RCOR1: variants seen among roughly 807,000 people sequenced by gnomAD.
RCOR1 encodes REST corepressor 1, also known as REST corepressor.
RCOR1 carries 12 observed loss-of-function variants against 64.0 expected under a neutral mutation model. The ratio of observed to expected loss-of-function variants is 0.19; its 90% CI spans 0.12 to 0.30. The LOEUF is 0.30. RCOR1 is among the 10% of genes least tolerant of loss of function. The pLI is 1.00. For missense variants in RCOR1, 502 were observed against 621.2 expected, an observed-to-expected ratio of 0.81 and a Z score of 2.04; for synonymous variants, 279 against 227.2, an observed-to-expected ratio of 1.23 and a Z score of -2.05.
At chr14:102,649,192 C>G (rs1348396003) in intron 2 of RCOR1, among the ~76,000 whole-genome samples, 1 of 151,878 alleles carries the variant, frequency 6.6e-6, no homozygotes, top group Non-Finnish European at 1.5e-5. Flanking sequence ...TCAGGTAAAA[C>G]AAATTGTACA....
intron 2 of RCOR1, chr14:102,657,699 TTGG>T (rs374270329): frequency 1.6e-4 from 61 of 393,142 alleles, no homozygotes; most frequent in African/African-American, 1.3e-3. Flanking sequence ...TTAGCCGGAC[TTGG>T]TGGTGCGTGC....
At chr14:102,656,993 G>A (rs913123648) in intron 2 of RCOR1, 5 of 590,040 alleles carry the variant, frequency 8.5e-6, no homozygotes, top group East Asian at 2.9e-4. Context: ...CAGGATGGTC[G>A]CGAACTCCTG....
intron 2 of RCOR1, among the ~76,000 whole-genome samples, chr14:102,637,597 C>T (rs1054377006): frequency 1.3e-5 from 2 of 152,040 alleles, no homozygotes; most frequent in Non-Finnish European, 2.9e-5. Context: ...ACCACAGGCA[C>T]CATCGTGCTT....
chr14:102,619,215 A>G (rs929955148), intron 2 of RCOR1, among the ~76,000 whole-genome samples: 6 of 151,844 alleles, frequency 4.0e-5, no homozygotes, highest in Non-Finnish European at 7.4e-5. Context: ...TCCGCCTCCC[A>G]GGTTCAAGTG....
At position 102,722,172 on chromosome 14, in the gene RCOR1, T is replaced by C; in HGVS notation, c.1190-15T>C. On this transcript the variant is annotated splice_polypyrimidine_tract_variant and intron_variant, in intron 10 of 11. Transcript: ENST00000262241. The stretch of plus-strand genomic sequence containing the variant: ...TTTCTCTTGTATTTTAAAAAATGCT[T>C]TCTTACATCCTTAGCCATCAGGAAA... The C allele has an allele frequency of 6.3e-7, 1 of 1,597,108 alleles. No individual in the cohort carries two copies. Among genetic ancestry groups the C allele is most frequent in the Non-Finnish European group, 8.6e-7 (1 of 1,167,006 alleles).
intron 2 of RCOR1, among the ~76,000 whole-genome samples, chr14:102,630,462 A>G (rs1894088249): frequency 6.6e-6 from 1 of 152,208 alleles, no homozygotes; most frequent in Non-Finnish European, 1.5e-5. Context: ...GGTCCTAATC[A>G]TATACATACT....
intron 2 of RCOR1, among the ~76,000 whole-genome samples, chr14:102,613,811 C>G (rs1217805876): frequency 1.3e-5 from 2 of 151,358 alleles, no homozygotes; most frequent in Admixed American, 1.3e-4. Context: ...CTACCTTGGC[C>G]TCACAAAGTG....
intron 2 of RCOR1, among the ~76,000 whole-genome samples, chr14:102,665,636 C>A (rs1458859718): frequency 6.6e-6 from 1 of 152,070 alleles, no homozygotes; most frequent in Non-Finnish European, 1.5e-5. Flanking sequence ...GTAGCTTGTT[C>A]GTCATCACTC....
chr14:102,726,620 C>A lies in RCOR1; in HGVS notation c.*114C>A. ...CATCTCTCTGGACAAGCAGCTATTACCAAAAAAGGCATATACTTCCAGTCC... is the reference window on the plus strand; with the variant it reads ...CATCTCTCTGGACAAGCAGCTATTAACAAAAAAGGCATATACTTCCAGTCC... On this transcript the variant is annotated 3_prime_UTR_variant, in exon 12 of 12. Transcript: ENST00000262241. 2.3e-6 allele frequency: 2 copies of A among 882,264 alleles called. No homozygotes were observed. Among genetic ancestry groups the A allele is most frequent in the South Asian group, 1.5e-5 (1 of 67,536 alleles). 54.7% of individuals were successfully genotyped at this position (882,264 alleles called of 1,614,324 possible).
At chr14:102,635,686 A>G (rs996234125) in intron 2 of RCOR1, among the ~76,000 whole-genome samples, 1 of 152,082 alleles carries the variant, frequency 6.6e-6, no homozygotes, top group Non-Finnish European at 1.5e-5. Flanking sequence ...TCTGTATTAC[A>G]ACTAATCTGC....
intron 2 of RCOR1, among the ~76,000 whole-genome samples, chr14:102,602,839 G>A (rs530058099): frequency 6.6e-6 from 1 of 151,714 alleles, no homozygotes; most frequent in East Asian, 2.0e-4. Flanking sequence ...CTGAGAAGCT[G>A]GGACTACAGG....
chr14:102,627,693 C>CA (rs1340087712), intron 2 of RCOR1, among the ~76,000 whole-genome samples: 2 of 151,028 alleles, frequency 1.3e-5, no homozygotes, highest in Non-Finnish European at 3.0e-5. Flanking sequence ...ACCAAAAAAA[C>CA]AAACTTCTTT....
At chr14:102,643,290 A>C (rs780600471) in intron 2 of RCOR1, 22 of 967,302 alleles carry the variant, frequency 2.3e-5, no homozygotes, top group Non-Finnish European at 2.6e-5. Flanking sequence ...TCTCAAAAAA[A>C]AGAGGAATGG....
chr14:102,614,004 G>A (rs140837486), intron 2 of RCOR1, among the ~76,000 whole-genome samples: 333 of 142,046 alleles, frequency 2.3e-3, no homozygotes, highest in African/African-American at 8.3e-3. Flanking sequence ...TAAGGGATTC[G>A]CCTGCCTCAG....
rs1267608063 is a variant in RCOR1, at chr14:102,657,648, G to A, written c.362-24247G>A. The stretch of plus-strand genomic sequence containing the variant: ...AGGTCAGGAGTTCGAGACCAGCCTG[G>A]CTAACATGGTGAAACCCTGTCTGTA... On this transcript the variant is annotated intron_variant, in intron 2 of 11. Transcript: ENST00000262241. 2.0e-5 allele frequency: 11 copies of A among 542,222 alleles called. No individual in the cohort carries two copies. The Admixed American group carries it at 3.8e-4, about 19-fold the overall frequency. The allele number at this position is 542,222 out of a possible 1,614,324, so 33.6% of individuals were successfully genotyped here. A position where few individuals can be genotyped will look rare whatever the true frequency, so the allele number is the denominator to read the frequency against.
chr14:102,711,368 G>A (rs574925055), intron 7 of RCOR1, among the ~76,000 whole-genome samples: 18 of 152,316 alleles, frequency 1.2e-4, no homozygotes, highest in African/African-American at 4.3e-4. Flanking sequence ...AGATGCCCCA[G>A]CGTCTGCCCA....
chr14:102,601,435 G>A (rs1335344173), intron 2 of RCOR1, among the ~76,000 whole-genome samples: 1 of 152,238 alleles, frequency 6.6e-6, no homozygotes, highest in African/African-American at 2.4e-5. Context: ...CATCTTCTGA[G>A]AAGCAGATGA....
chr14:102,672,333 C>T (rs537969554), intron 2 of RCOR1, among the ~76,000 whole-genome samples: 193 of 152,136 alleles, frequency 1.3e-3, no homozygotes, highest in African/African-American at 4.1e-3. Flanking sequence ...CCTTAGCCTC[C>T]CGAGTAGCTG....
At chr14:102,595,392 CG>C (rs1302231215) in intron 2 of RCOR1, among the ~76,000 whole-genome samples, 2 of 151,908 alleles carry the variant, frequency 1.3e-5, no homozygotes, top group Admixed American at 6.6e-5. Context: ...GTTTCAGCTA[CG>C]GGGGGGTCTG....
Sources: gnomAD v4.1 joint callset for allele counts (sites outside exome capture counted in the v4.1 genomes callset) on GRCh38, gnomAD v4.1.1 for gene constraint, MANE v1.5 for transcripts, NCBI Gene and HGNC (gene_info 2026-07-23, HGNC 2026-07-21) for gene names.